NRG1: variants seen among roughly 807,000 people sequenced by gnomAD.
NRG1 encodes the protein neuregulin 1.
In NRG1, 18 loss-of-function variants were observed where a neutral mutation model predicts 63.8. The ratio of observed to expected loss-of-function variants is 0.28; its 90% confidence interval spans 0.19 to 0.42. The LOEUF is 0.42. Among genes scored for constraint, NRG1 ranks in the 10% least tolerant of loss-of-function variants. The pLI, the probability that NRG1 is intolerant of heterozygous loss-of-function variation, is 1.00. For synonymous variants in NRG1, 302 were observed against 301.3 expected (o/e 1.00, Z -0.02); for missense variants, 762 against 814.7 (o/e 0.94, Z 0.79).
Position 31,679,866 on chromosome 8 carries a change from C to A in NRG1, c.37+40435C>A, listed in dbSNP as rs182815425. Among the ~76,000 whole-genome samples the A allele has an allele frequency of 3.1e-3, 477 of 152,152 alleles. 2 individuals carry two copies. The highest frequency in any genetic ancestry group is 0.021 in the South Asian group (101 of 4,820). On this transcript the variant is annotated intron_variant, in intron 1 of 10. Transcript: ENST00000519301. The stretch of plus-strand genomic sequence containing the variant: ...TGAATAAAAGAGGTTATCAAATATG[C>A]CACAAACAAAATCAATGTACAAAAT...
At chr8:32,709,569 C>A (rs916291234) in intron 5 of NRG1, among the ~76,000 whole-genome samples, 1 of 151,958 alleles carries the variant, frequency 6.6e-6, no homozygotes, top group African/African-American at 2.4e-5. Flanking sequence ...TACCACCATG[C>A]CCGGCTAATT....
chr8:31,885,108 A>C (rs1051723086), intron 1 of NRG1, among the ~76,000 whole-genome samples: 8 of 152,168 alleles, frequency 5.3e-5, no homozygotes, highest in East Asian at 1.9e-4. Flanking sequence ...AATGCTACCA[A>C]TAGATGCAGA....
intron 1 of NRG1, among the ~76,000 whole-genome samples, chr8:32,477,420 G>A (rs1194250477): frequency 3.3e-5 from 5 of 152,198 alleles, no homozygotes; most frequent in South Asian, 2.1e-4. Context: ...CCTCCAAAAC[G>A]TTTTTCTCCT....
chr8:32,464,980 G>C (rs1264379568), intron 1 of NRG1, among the ~76,000 whole-genome samples: 3 of 152,160 alleles, frequency 2.0e-5, no homozygotes, highest in East Asian at 1.9e-4. Flanking sequence ...TTCGAGACCA[G>C]CCTGGCCCAC....
chr8:31,830,808 A>G (rs1038173439), intron 1 of NRG1, among the ~76,000 whole-genome samples: 2 of 152,116 alleles, frequency 1.3e-5, no homozygotes, highest in Non-Finnish European at 2.9e-5. Context: ...TCTGAGCTTC[A>G]ATGTGATTAG....
At chr8:31,834,111 A>T (rs569800404) in intron 1 of NRG1, among the ~76,000 whole-genome samples, 2 of 152,302 alleles carry the variant, frequency 1.3e-5, no homozygotes, top group South Asian at 2.1e-4. Context: ...AACCTGCCCT[A>T]TCAATAATTT....
chr8:32,765,211 T>C (rs1831330603), exon 12 of NRG1: 1 of 152,094 alleles, frequency 6.6e-6, no homozygotes, highest in Admixed American at 6.5e-5. Flanking sequence ...AGTGTCACTT[T>C]CTCTCTGGGG....
chr8:32,508,928 T>C (rs912563182), intron 1 of NRG1, among the ~76,000 whole-genome samples: 1 of 151,468 alleles, frequency 6.6e-6, no homozygotes, highest in Non-Finnish European at 1.5e-5. Flanking sequence ...AGAGATGGAG[T>C]CTCACCATGT....
At chr8:32,697,568 G>T (rs1386939902) in intron 5 of NRG1, among the ~76,000 whole-genome samples, 1 of 152,154 alleles carries the variant, frequency 6.6e-6, no homozygotes, top group African/African-American at 2.4e-5. Context: ...AATGTGTAAT[G>T]CAGTGGAATT....
intron 1 of NRG1, among the ~76,000 whole-genome samples, chr8:32,342,771 A>C (rs1403471210): frequency 6.6e-6 from 1 of 152,244 alleles, no homozygotes; most frequent in Non-Finnish European, 1.5e-5. Flanking sequence ...TTTCTAAAAA[A>C]TAAACAAGCA....
intron 1 of NRG1, among the ~76,000 whole-genome samples, chr8:31,807,947 G>A (rs763685458): frequency 6.1e-5 from 4 of 65,546 alleles, no homozygotes; most frequent in Non-Finnish European, 1.1e-4. Context: ...AAGAGTATTC[G>A]CGTGTGTGTG....
At chr8:32,396,004 C>G (rs1329060015) in intron 1 of NRG1, among the ~76,000 whole-genome samples, 3 of 152,060 alleles carry the variant, frequency 2.0e-5, no homozygotes, top group East Asian at 3.9e-4. Context: ...TACTGAGTTA[C>G]CTTTGCTGCT....
At chr8:32,104,777 C>T (rs1831042705) in intron 1 of NRG1, among the ~76,000 whole-genome samples, 1 of 152,130 alleles carries the variant, frequency 6.6e-6, no homozygotes. Context: ...TCACTGTCTT[C>T]CACCTCCACA....
At chr8:32,054,104 T>A (rs80345387) in intron 1 of NRG1, among the ~76,000 whole-genome samples, 3,168 of 152,286 alleles carry the variant, frequency 0.021, 40 homozygotes, top group South Asian at 0.038. Flanking sequence ...CTTAATCAGA[T>A]ACAAAGAACT....
chr8:31,830,579 C>T (rs1307531303), intron 1 of NRG1, among the ~76,000 whole-genome samples: 1 of 152,110 alleles, frequency 6.6e-6, no homozygotes, highest in African/African-American at 2.4e-5. Flanking sequence ...GCAGTTGCAA[C>T]ACTGTGATCA....
intron 1 of NRG1, among the ~76,000 whole-genome samples, chr8:32,284,543 T>TTCCTTCC (rs1853295345): frequency 9.2e-6 from 1 of 108,358 alleles, no homozygotes; most frequent in African/African-American, 4.0e-5. Flanking sequence ...TCCTTCCTTC[T>TTCCTTCC]TTCTTTCCAC....
intron 1 of NRG1, among the ~76,000 whole-genome samples, chr8:32,390,881 TA>T (rs201054193): frequency 4.6e-5 from 7 of 150,810 alleles, no homozygotes; most frequent in South Asian, 2.1e-4. Flanking sequence ...TTAAGAAAAT[TA>T]AAAAAAAAGT....
chr8:31,737,946 A>G (rs990445101), intron 1 of NRG1, among the ~76,000 whole-genome samples: 4 of 152,038 alleles, frequency 2.6e-5, no homozygotes, highest in African/African-American at 9.7e-5. Context: ...AGAATTTTTC[A>G]TTTCTTTTGA....
chr8:31,874,637 A>G (rs1829758103), intron 1 of NRG1, among the ~76,000 whole-genome samples: 1 of 152,198 alleles, frequency 6.6e-6, no homozygotes, highest in Admixed American at 6.5e-5. Flanking sequence ...TTAAAAATAC[A>G]ATTAAATTAT....
Sources: allele counts gnomAD v4.1 joint callset (sites outside exome capture counted in the v4.1 genomes callset), GRCh38; gene constraint gnomAD v4.1.1; transcripts MANE v1.5; gene names NCBI Gene and HGNC (gene_info 2026-07-23, HGNC 2026-07-21).